BCAR3: variants seen among roughly 807,000 people sequenced by gnomAD.
The protein encoded by BCAR3 is breast cancer anti-estrogen resistance protein 3.
A neutral mutation model predicts 80.1 loss-of-function variants in BCAR3; 37 were observed. The ratio of observed to expected loss-of-function variants is 0.46; its 90% CI spans 0.36 to 0.61. BCAR3 has a LOEUF of 0.61. Among genes scored for constraint, BCAR3 ranks in the 20% least tolerant of loss-of-function variants. BCAR3 has a pLI of 0.00. For synonymous variants in BCAR3, 389 were observed against 418.9 expected (o/e 0.93, Z 0.87); for missense variants, 978 against 1,068.2 (o/e 0.92, Z 1.18).
At chr1:93,576,365 C>T (rs1037117932) in intron 7 of BCAR3, among the ~76,000 whole-genome samples, 1 of 152,248 alleles carries the variant, frequency 6.6e-6, no homozygotes, top group Non-Finnish European at 1.5e-5. Flanking sequence ...GATGCTGACA[C>T]TGCTCTGCAG....
chr1:93,605,520 G>C (rs1674748918), intron 3 of BCAR3: 1 of 152,204 alleles, frequency 6.6e-6, no homozygotes, highest in African/African-American at 2.4e-5. Flanking sequence ...AGAATGAAAA[G>C]AACAAAGACT....
intron 2 of BCAR3, among the ~76,000 whole-genome samples, chr1:93,766,261 T>A (rs1294539624): frequency 6.6e-6 from 1 of 152,162 alleles, no homozygotes; most frequent in South Asian, 2.1e-4. Context: ...TCCTAACTCA[T>A]CCAGAGCCAC....
chr1:93,579,546 G>A (rs1673615540), intron 7 of BCAR3, among the ~76,000 whole-genome samples: 1 of 152,202 alleles, frequency 6.6e-6, no homozygotes, highest in Non-Finnish European at 1.5e-5. Context: ...ATGCACCACA[G>A]CAAGCCAGGG....
intron 2 of BCAR3, among the ~76,000 whole-genome samples, chr1:93,659,034 T>G (rs1444448609): frequency 6.6e-6 from 1 of 152,170 alleles, no homozygotes; most frequent in Admixed American, 6.5e-5. Context: ...ACAGGCAAAC[T>G]GGGGGCTTCC....
intron 2 of BCAR3, among the ~76,000 whole-genome samples, chr1:93,766,638 T>C (rs1652161635): frequency 6.6e-6 from 1 of 152,252 alleles, no homozygotes; most frequent in Non-Finnish European, 1.5e-5. Context: ...CCTGATGCCT[T>C]CCTCTTTCTT....
intron 2 of BCAR3, among the ~76,000 whole-genome samples, chr1:93,819,909 C>A (rs1291280263): frequency 6.6e-6 from 1 of 152,172 alleles, no homozygotes; most frequent in Non-Finnish European, 1.5e-5. Context: ...CTGATTCTCA[C>A]CCTCCTCCTA....
chr1:93,671,323 C>T (rs1648193799), intron 2 of BCAR3, among the ~76,000 whole-genome samples: 1 of 152,094 alleles, frequency 6.6e-6, no homozygotes, highest in South Asian at 2.1e-4. Context: ...GATTAACAAG[C>T]TAAACATATT....
intron 2 of BCAR3, among the ~76,000 whole-genome samples, chr1:93,837,072 C>T (rs1027954860): frequency 6.6e-6 from 1 of 152,110 alleles, no homozygotes; most frequent in Non-Finnish European, 1.5e-5. Flanking sequence ...GGTCTCTTCA[C>T]ATGGATGCAC....
At chr1:93,578,563 C>CA (rs1321061363) in intron 7 of BCAR3, among the ~76,000 whole-genome samples, 1 of 152,182 alleles carries the variant, frequency 6.6e-6, no homozygotes, top group African/African-American at 2.4e-5. Flanking sequence ...TTCATCGGGC[C>CA]AAAGATGCAG....
intron 2 of BCAR3, among the ~76,000 whole-genome samples, chr1:93,790,712 T>C (rs1487341786): frequency 8.0e-6 from 1 of 124,586 alleles, no homozygotes; most frequent in African/African-American, 3.5e-5. Flanking sequence ...TGCAGGTTAG[T>C]TACATATGTA....
intron 2 of BCAR3, among the ~76,000 whole-genome samples, chr1:93,828,634 C>T (rs7544883): frequency 0.13 from 19,784 of 152,140 alleles, 1,966 homozygotes; most frequent in African/African-American, 0.27. Flanking sequence ...CAAATCTATG[C>T]ATAAAAGTGG....
rs143845939 is a variant in BCAR3, at chr1:93,734,966, C to T, written c.-62-28824G>A. Among the ~76,000 whole-genome samples, 3 of 152,334 alleles carry T rather than the reference C, an allele frequency of 2.0e-5. No individual in the cohort carries two copies. The East Asian group carries it at 5.8e-4, about 29-fold the overall frequency. On this transcript the variant is annotated intron_variant, in intron 2 of 13. Coordinates refer to the BCAR3 transcript ENST00000370244. ...TACCAGACACCCATGATAATCTGCA[C>T]ATCCCTTTGCATTCCTTCTTCTATT...
chr1:93,594,670 G>C (rs1354186697), intron 3 of BCAR3: 1 of 152,270 alleles, frequency 6.6e-6, no homozygotes, highest in African/African-American at 2.4e-5. Context: ...GAGTCACCCT[G>C]ACAGGCAGTC....
chr1:93,651,366 C>T (rs563092238), intron 2 of BCAR3, among the ~76,000 whole-genome samples: 1 of 152,300 alleles, frequency 6.6e-6, no homozygotes, highest in Non-Finnish European at 1.5e-5. Flanking sequence ...GGTCCATGGT[C>T]ATCTGGCAGA....
chr1:93,619,096 G>A (rs1484684515), intron 3 of BCAR3, among the ~76,000 whole-genome samples: 1 of 144,358 alleles, frequency 6.9e-6, no homozygotes, highest in Non-Finnish European at 1.5e-5. Flanking sequence ...ATGCCACCAC[G>A]CCAATTTTTT....
At chr1:93,847,597 C>T (rs1655268254), upstream of BCAR3, 1 of 152,564 alleles carries the variant, frequency 6.6e-6, no homozygotes, top group Non-Finnish European at 1.5e-5. Context: ...ATGGATAGCG[C>T]ATTGGACTTC....
chr1:93,776,752 T>C (rs1652566290), intron 2 of BCAR3, among the ~76,000 whole-genome samples: 1 of 152,322 alleles, frequency 6.6e-6, no homozygotes, highest in South Asian at 2.1e-4. Context: ...AGACTTACTC[T>C]GATTTATGTC....
At chr1:93,828,575 G>C (rs1011462967) in intron 2 of BCAR3, among the ~76,000 whole-genome samples, 9 of 152,220 alleles carry the variant, frequency 5.9e-5, no homozygotes, top group African/African-American at 1.9e-4. Context: ...CTGGGTTCCT[G>C]CCCCTCCTTT....
chr1:93,781,017 G>A (rs1652743653), intron 2 of BCAR3, among the ~76,000 whole-genome samples: 1 of 152,202 alleles, frequency 6.6e-6, no homozygotes, highest in Non-Finnish European at 1.5e-5. Context: ...CCCAGGGGAG[G>A]GCCAGTAGGA....
Sources: gnomAD v4.1 joint callset for allele counts (sites outside exome capture counted in the v4.1 genomes callset) on GRCh38, gnomAD v4.1.1 for gene constraint, MANE v1.5 for transcripts, NCBI Gene and HGNC (gene_info 2026-07-23, HGNC 2026-07-21) for gene names.